Variants in GRIA4 observed in about 807,000 individuals in gnomAD.
GRIA4 encodes the protein glutamate receptor 4.
Under a neutral mutation model 104.0 loss-of-function variants are expected in GRIA4, and 34 were observed. That is an observed-to-expected ratio of 0.33 (90% CI 0.25 to 0.44). GRIA4 has a LOEUF of 0.44. Ranked by LOEUF, GRIA4 falls within the 20% of genes least tolerant of loss-of-function variation. The pLI, the probability that GRIA4 is intolerant of heterozygous loss-of-function variation, is 1.00. For missense variants in GRIA4, 750 were observed against 1,096.5 expected (o/e 0.68, Z 4.46); for synonymous variants, 386 against 381.9 (o/e 1.01, Z -0.13).
At chr11:105,932,662 G>A (rs1199238681) in intron 13 of GRIA4, among the ~76,000 whole-genome samples, 1 of 152,030 alleles carries the variant, frequency 6.6e-6, no homozygotes, top group Non-Finnish European at 1.5e-5. Context: ...GGAGTCAAGG[G>A]GATTAGAATG....
rs200528694 is a variant in GRIA4 at position 105,630,571 on chromosome 11, C to CA, written c.247+18145dup. ...AAGCAAGACTCCTTCTAGGAAAAAA[C>CA]AAAAAAAACAAAACACCAACTAAAT... On this transcript the variant is annotated intron_variant, in intron 3 of 16. Coordinates refer to ENST00000282499, the MANE Select transcript of GRIA4 (RefSeq NM_000829.4). Among the ~76,000 whole-genome samples, 1,435 of 150,052 alleles carry CA rather than the reference C, an allele frequency of 9.6e-3. 21 individuals are homozygous for CA. The highest frequency in any genetic ancestry group is 0.024 in the African/African-American group (964 of 40,688).
intron 4 of GRIA4, among the ~76,000 whole-genome samples, chr11:105,778,361 T>C (rs568027025): frequency 6.6e-6 from 1 of 152,330 alleles, no homozygotes; most frequent in African/African-American, 2.4e-5. Context: ...AGATCCTTGA[T>C]GATTGCTTTT....
chr11:105,842,961 T>C (rs973566961), intron 4 of GRIA4: 4 of 152,126 alleles, frequency 2.6e-5, no homozygotes, highest in African/African-American at 7.2e-5. Context: ...CAGAAACTTA[T>C]TTTGCTCTTT....
At chr11:105,958,173 C>G (rs1049273964) in intron 14 of GRIA4, among the ~76,000 whole-genome samples, 7 of 152,322 alleles carry the variant, frequency 4.6e-5, no homozygotes, top group African/African-American at 1.7e-4. Context: ...TGAGAGAGGG[C>G]ACCCCTGTCT....
chr11:105,658,962 GAT>G (rs1951925769), intron 3 of GRIA4, among the ~76,000 whole-genome samples: 4 of 151,874 alleles, frequency 2.6e-5, no homozygotes, highest in Admixed American at 2.6e-4. Flanking sequence ...CCAATAAAAT[GAT>G]ATTCAACTAG....
chr11:105,762,544 A>AT (rs1201729968), intron 4 of GRIA4, among the ~76,000 whole-genome samples: 2 of 151,954 alleles, frequency 1.3e-5, no homozygotes, highest in East Asian at 1.9e-4. Context: ...TGTTTTGAGG[A>AT]TTTTTTTGTG....
chr11:105,615,434 A>G (rs963603502), intron 3 of GRIA4, among the ~76,000 whole-genome samples: 2 of 151,870 alleles, frequency 1.3e-5, no homozygotes, highest in African/African-American at 4.8e-5. Flanking sequence ...CTATTGTTGG[A>G]AAGTCACACT....
At chr11:105,881,422 T>C (rs1327865386) in intron 5 of GRIA4, among the ~76,000 whole-genome samples, 1 of 152,156 alleles carries the variant, frequency 6.6e-6, no homozygotes, top group Admixed American at 6.5e-5. Context: ...AGGCAAGACA[T>C]TGATAGTGTC....
chr11:105,654,452 G>GT (rs1245782566), intron 3 of GRIA4, among the ~76,000 whole-genome samples: 1 of 151,418 alleles, frequency 6.6e-6, no homozygotes, highest in Non-Finnish European at 1.5e-5. Context: ...AAAAATAATC[G>GT]TAAGAACAAT....
chr11:105,898,353 A>G lies in GRIA4; in HGVS notation c.811A>G (p.Met271Val), dbSNP rs754267843. Residue 271 changes from methionine (M) to valine (V), a missense_variant, in exon 7 of 17, where the codon ATG becomes GTG. Met to Val is a conservative substitution (Grantham distance 21). Transcript: ENST00000282499. The part of the protein sequence containing the change: ...GFQLVDFNTP[M>V]VIKLMDRWKK... ...CCAGTTGGTGGATTTTAATACACCT[A>G]TGGTAATCAAACTAATGGATCGCTG... The G allele has an allele frequency of 3.5e-5, 56 of 1,581,158 alleles. No individual in the cohort carries two copies. Among genetic ancestry groups the G allele is most frequent in the Non-Finnish European group, 4.4e-5 (51 of 1,150,278 alleles).
chr11:105,633,782 TA>T (rs1378849195), intron 3 of GRIA4, among the ~76,000 whole-genome samples: 2 of 152,150 alleles, frequency 1.3e-5, no homozygotes, highest in African/African-American at 4.8e-5. Context: ...TGAAATCACA[TA>T]AATGACAACC....
intron 4 of GRIA4, among the ~76,000 whole-genome samples, chr11:105,798,948 G>A (rs1199337786): frequency 6.6e-6 from 1 of 152,110 alleles, no homozygotes; most frequent in Non-Finnish European, 1.5e-5. Context: ...ATGGAATTCA[G>A]AGGAAAGTTA....
rs143766098 is a variant in GRIA4, at chr11:105,708,808, A to C, written c.248-44173A>C. On this transcript the variant is annotated intron_variant, in intron 3 of 16. Coordinates refer to ENST00000282499, the MANE Select transcript of GRIA4 (RefSeq NM_000829.4). ...AGCACTCCTGTGTTGGGTTGAAATA[A>C]GAATGAGTTCATAGTTTTTAATATA... 4.6e-3 allele frequency among the ~76,000 whole-genome samples: 696 copies of C among 152,124 alleles called. 11 individuals are homozygous for C. Among genetic ancestry groups the C allele is most frequent in the Non-Finnish European group, 3.9e-3 (263 of 67,984 alleles).
chr11:105,973,335 T>C (rs1389353029), intron 15 of GRIA4, among the ~76,000 whole-genome samples: 1 of 152,146 alleles, frequency 6.6e-6, no homozygotes, highest in South Asian at 2.1e-4. Flanking sequence ...CTTCTTGCAA[T>C]AACATTATGT....
chr11:105,910,115 A>C (rs917105599), intron 9 of GRIA4, among the ~76,000 whole-genome samples: 1 of 152,082 alleles, frequency 6.6e-6, no homozygotes, highest in Non-Finnish European at 1.5e-5. Context: ...AGTCTATCTC[A>C]CTAGAGGAGG....
At chr11:105,640,231 A>G (rs1951320883) in intron 3 of GRIA4, among the ~76,000 whole-genome samples, 1 of 151,958 alleles carries the variant, frequency 6.6e-6, no homozygotes, top group Admixed American at 6.6e-5. Context: ...AGAATTTCAA[A>G]GCCCAAAAAT....
intron 14 of GRIA4, among the ~76,000 whole-genome samples, chr11:105,951,816 G>C (rs1948463728): frequency 6.6e-6 from 1 of 151,972 alleles, no homozygotes; most frequent in South Asian, 2.1e-4. Flanking sequence ...AAATTAGCTG[G>C]GTATGGTGGT....
At chr11:105,697,278 C>G (rs1323986848) in intron 3 of GRIA4, among the ~76,000 whole-genome samples, 1 of 152,138 alleles carries the variant, frequency 6.6e-6, no homozygotes, top group East Asian at 1.9e-4. Context: ...CTGATGAAAG[C>G]TAGAGTCTCT....
chr11:105,645,904 G>C (rs1163542628), intron 3 of GRIA4, among the ~76,000 whole-genome samples: 2 of 152,192 alleles, frequency 1.3e-5, no homozygotes, highest in Non-Finnish European at 2.9e-5. Flanking sequence ...TACATAGAAA[G>C]AGTTTGTTAT....
Sources: gnomAD v4.1 joint callset for allele counts (sites outside exome capture counted in the v4.1 genomes callset) on GRCh38, gnomAD v4.1.1 for gene constraint, MANE v1.5 for transcripts, NCBI Gene and HGNC (gene_info 2026-07-23, HGNC 2026-07-21) for gene names.